Variants in SNX29 observed in about 807,000 individuals in gnomAD.
SNX29 encodes sorting nexin-29.
In SNX29, 78 loss-of-function variants were observed where a neutral mutation model predicts 102.1. The observed-to-expected ratio is 0.76, with a 90% CI of 0.64 to 0.92. The LOEUF is 0.92. Ranked by LOEUF, SNX29 falls within the 40% of genes least tolerant of loss-of-function variation. SNX29 has a pLI of 0.00. For missense variants in SNX29, 1,280 were observed against 1,061.7 expected, an observed-to-expected ratio of 1.21 and a Z score of -2.86; for synonymous variants, 580 against 414.5, an observed-to-expected ratio of 1.40 and a Z score of -4.85.
chr16:12,420,064 T>C (rs953515474), intron 18 of SNX29, among the ~76,000 whole-genome samples: 2 of 152,210 alleles, frequency 1.3e-5, no homozygotes, highest in African/African-American at 4.8e-5. Flanking sequence ...TTGGGCCAGG[T>C]AATTCTGGGT....
intron 20 of SNX29, among the ~76,000 whole-genome samples, chr16:12,528,696 A>T (rs1004186782): frequency 5.3e-5 from 8 of 152,238 alleles, no homozygotes; most frequent in Admixed American, 5.2e-4. Flanking sequence ...CTGGCTCTGG[A>T]GTTTGCAGTC....
intron 20 of SNX29, among the ~76,000 whole-genome samples, chr16:12,563,950 A>G (rs976364647): frequency 4.6e-5 from 7 of 151,932 alleles, no homozygotes; most frequent in African/African-American, 1.5e-4. Flanking sequence ...CTTGTTCAAG[A>G]AAGACGAGGA....
At chr16:12,298,769 C>T (rs2080064848) in intron 15 of SNX29, among the ~76,000 whole-genome samples, 1 of 152,112 alleles carries the variant, frequency 6.6e-6, no homozygotes, top group South Asian at 2.1e-4. Flanking sequence ...TGGGTGTCCC[C>T]AGGGGCCCAG....
chr16:12,487,711 A>C (rs987765038), intron 19 of SNX29, among the ~76,000 whole-genome samples: 1 of 152,204 alleles, frequency 6.6e-6, no homozygotes, highest in South Asian at 2.1e-4. Context: ...TGTTCGCAGC[A>C]GAGATGCAGG....
chr16:12,538,568 C>A (rs1022139696), intron 20 of SNX29, among the ~76,000 whole-genome samples: 1 of 152,122 alleles, frequency 6.6e-6, no homozygotes, highest in African/African-American at 2.4e-5. Flanking sequence ...CTGGTCTTAG[C>A]TGAGCTGGCT....
At chr16:12,334,489 A>G (rs75294082) in intron 15 of SNX29, among the ~76,000 whole-genome samples, 2 of 152,308 alleles carry the variant, frequency 1.3e-5, no homozygotes, top group Admixed American at 6.5e-5. Context: ...CTTGATGCAT[A>G]AAACAGGGAC....
chr16:12,204,359 C>A (rs896390089), intron 14 of SNX29, among the ~76,000 whole-genome samples: 16 of 152,146 alleles, frequency 1.1e-4, no homozygotes, highest in African/African-American at 3.6e-4. Context: ...CAGGCCTGTT[C>A]GTCCTTGTAA....
chr16:12,218,615 A>G (rs572246998), intron 14 of SNX29, among the ~76,000 whole-genome samples: 116 of 152,310 alleles, frequency 7.6e-4, no homozygotes, highest in African/African-American at 2.6e-3. Flanking sequence ...TTCAGGTAAG[A>G]GTGTATCACT....
At chr16:12,200,584 G>T (rs2076889256) in intron 14 of SNX29, among the ~76,000 whole-genome samples, 1 of 152,134 alleles carries the variant, frequency 6.6e-6, no homozygotes, top group South Asian at 2.1e-4. Context: ...CTGGGTTCAA[G>T]CGATTCTCCT....
At chr16:12,562,078 C>G (rs796430787) in intron 20 of SNX29, among the ~76,000 whole-genome samples, 4 of 152,142 alleles carry the variant, frequency 2.6e-5, no homozygotes, top group African/African-American at 9.7e-5. Flanking sequence ...TGTTTTCTGC[C>G]CAGTAGTTTG....
intron 20 of SNX29, among the ~76,000 whole-genome samples, chr16:12,544,532 C>G (rs901055104): frequency 2.0e-5 from 3 of 152,138 alleles, no homozygotes; most frequent in Middle Eastern, 3.2e-3. Context: ...ATTGTGTGGC[C>G]TAGGAACATT....
chr16:12,456,775 G>C (rs750364569), intron 18 of SNX29, among the ~76,000 whole-genome samples: 3 of 152,178 alleles, frequency 2.0e-5, no homozygotes, highest in Non-Finnish European at 2.9e-5. Flanking sequence ...TTCAGGGAGA[G>C]GATGCATTGG....
chr16:12,357,347 A>T (rs1006462111), intron 16 of SNX29, among the ~76,000 whole-genome samples: 3 of 152,206 alleles, frequency 2.0e-5, no homozygotes, highest in Non-Finnish European at 4.4e-5. Flanking sequence ...AATACAAAAA[A>T]AAATACAATA....
At chr16:12,189,165 C>T (rs923612558) in intron 13 of SNX29, among the ~76,000 whole-genome samples, 1 of 152,112 alleles carries the variant, frequency 6.6e-6, no homozygotes, top group East Asian at 1.9e-4. Flanking sequence ...TTCCTACAAG[C>T]AAAACATTCT....
At chr16:12,318,052 G>A (rs1011553067) in intron 15 of SNX29, among the ~76,000 whole-genome samples, 3 of 152,216 alleles carry the variant, frequency 2.0e-5, no homozygotes, top group Non-Finnish European at 4.4e-5. Context: ...TCGGCCCCAC[G>A]CTGGCTCTTG....
chr16:12,024,716 T>A (rs2057139829), intron 3 of SNX29, among the ~76,000 whole-genome samples: 1 of 152,106 alleles, frequency 6.6e-6, no homozygotes, highest in Non-Finnish European at 1.5e-5. Flanking sequence ...AGGGCCCTGG[T>A]TTTATCTAGA....
At chr16:12,376,797 C>T (rs1316140686) in intron 16 of SNX29, among the ~76,000 whole-genome samples, 1 of 151,028 alleles carries the variant, frequency 6.6e-6, no homozygotes, top group Non-Finnish European at 1.5e-5. Context: ...GACTGACTCA[C>T]CCTGGCCTCT....
At chr16:12,114,159 A>T (rs2053603338) in intron 11 of SNX29, among the ~76,000 whole-genome samples, 1 of 152,088 alleles carries the variant, frequency 6.6e-6, no homozygotes, top group Admixed American at 6.6e-5. Flanking sequence ...ATGAGCTGTG[A>T]CTCATTTGGT....
intron 18 of SNX29, among the ~76,000 whole-genome samples, chr16:12,456,355 C>T (rs1419035779): frequency 6.6e-6 from 1 of 152,142 alleles, no homozygotes; most frequent in Non-Finnish European, 1.5e-5. Context: ...CAGTGTCAAC[C>T]TATGGCATCA....
Sources: gnomAD v4.1 joint callset for allele counts (sites outside exome capture counted in the v4.1 genomes callset) on GRCh38, gnomAD v4.1.1 for gene constraint, MANE v1.5 for transcripts, NCBI Gene and HGNC (gene_info 2026-07-23, HGNC 2026-07-21) for gene names.